CRB1: variants seen among roughly 807,000 people sequenced by gnomAD.
CRB1 encodes the protein protein crumbs homolog 1.
A neutral mutation model predicts 120.0 loss-of-function variants in CRB1; 83 were observed. The observed-to-expected ratio is 0.69, with a 90% CI of 0.58 to 0.83. The LOEUF (loss-of-function observed/expected upper bound fraction) is 0.83. CRB1 is among the 40% of genes least tolerant of loss of function. The pLI is 0.00. For synonymous variants in CRB1, 625 were observed against 612.5 expected (o/e 1.02, Z -0.30); for missense variants, 1,699 against 1,687.6 (o/e 1.01, Z -0.12).
Position 197,328,930 on chromosome 1 carries a change from T to C in CRB1, c.579T>C (p.Asp193=), listed in dbSNP as rs1382054822. 9.3e-6 allele frequency: 15 copies of C among 1,614,208 alleles called. No individual in the cohort carries two copies. The highest frequency in any genetic ancestry group is 1.3e-5 in the Non-Finnish European group (15 of 1,180,036). Residue 193 remains aspartate, a synonymous_variant, in exon 2 of 12, where the codon GAT becomes GAC. Transcript: ENST00000367400. The part of the protein sequence containing the change: ...CDLEVDECAS[D]PCKNEATCLN... ...TGGAAGTGGATGAATGTGCTTCAGA[T>C]CCCTGCAAGAACGAGGCTACATGCC...
intron 1 of CRB1, among the ~76,000 whole-genome samples, chr1:197,311,392 C>T (rs1052113059): frequency 6.6e-6 from 1 of 152,134 alleles, no homozygotes; most frequent in African/African-American, 2.4e-5. Flanking sequence ...AGGGTGAGGA[C>T]ATTTGAGAGA....
At chr1:197,387,312 AAGCTAATGT>A (rs1026389944) in intron 5 of CRB1, among the ~76,000 whole-genome samples, 9 of 152,232 alleles carry the variant, frequency 5.9e-5, no homozygotes, top group Non-Finnish European at 8.8e-5. Context: ...TATGTTAATA[AAGCTAATGT>A]AGCTAATGTA....
At chr1:197,363,524 C>CT (rs1002587058) in intron 5 of CRB1, among the ~76,000 whole-genome samples, 148 of 152,122 alleles carry the variant, frequency 9.7e-4, no homozygotes, top group African/African-American at 3.3e-3. Flanking sequence ...TTCTACACAA[C>CT]TTTTTTTTCT....
chr1:197,320,055 C>A (rs1658101941), intron 1 of CRB1, among the ~76,000 whole-genome samples: 1 of 152,182 alleles, frequency 6.6e-6, no homozygotes, highest in Admixed American at 6.5e-5. Flanking sequence ...AAGACCTGGC[C>A]TTAGCCAATC....
intron 1 of CRB1, among the ~76,000 whole-genome samples, chr1:197,314,418 A>G (rs1216785548): frequency 6.6e-6 from 1 of 152,014 alleles, no homozygotes; most frequent in Non-Finnish European, 1.5e-5. Flanking sequence ...TTGTTTACTC[A>G]TATTCATTCT....
chr1:197,255,968 T>C, the CRB1 span, among the ~76,000 whole-genome samples: 883 of 92,884 alleles, frequency 9.5e-3, 15 homozygotes, highest in African/African-American at 0.058. Context: ...GAACATTTTA[T>C]ATATATATAT....
chr1:197,256,554 T>TTCCTTC, the CRB1 span, among the ~76,000 whole-genome samples: 5 of 152,110 alleles, frequency 3.3e-5, no homozygotes, highest in Admixed American at 1.3e-4. Flanking sequence ...TAAATCTGTA[T>TTCCTTC]TCCTTCTTTT....
chr1:197,250,863 T>C, the CRB1 span, among the ~76,000 whole-genome samples: 2 of 152,050 alleles, frequency 1.3e-5, no homozygotes, highest in African/African-American at 4.8e-5. Context: ...ATGGTTTTTC[T>C]TTCCCTTGTG....
intron 5 of CRB1, among the ~76,000 whole-genome samples, chr1:197,407,392 T>G (rs1663467565): frequency 6.6e-6 from 1 of 152,212 alleles, no homozygotes; most frequent in African/African-American, 2.4e-5. Flanking sequence ...ACTAAAGTTA[T>G]TTCTTCTAAA....
rs1370917973 is a variant in CRB1, at chr1:197,438,554, A to C, written c.3757A>C (p.Arg1253=). 3.7e-6 allele frequency: 6 copies of C among 1,612,244 alleles called. No homozygotes were observed. The Admixed American group carries it at 1.0e-4, about 27-fold the overall frequency. The change falls in exon 10 of 12, where the codon AGA becomes CGA. Residue 1253 remains arginine, a synonymous_variant. Transcript: ENST00000367400. Reference sequence around the variant, plus strand: ...TTGCTTTTATCTCTCTAGACAGAGCAGATTACCCTCAACAGTCTGTGGGAA... The same window carrying C: ...TTGCTTTTATCTCTCTAGACAGAGCCGATTACCCTCAACAGTCTGTGGGAA... The part of the protein sequence containing the change: ...NFTGKFCRQS[R]LPSTVCGNEK...
intron 6 of CRB1, among the ~76,000 whole-genome samples, chr1:197,424,930 T>C (rs1664508975): frequency 6.6e-6 from 1 of 152,184 alleles, no homozygotes; most frequent in Admixed American, 6.5e-5. Flanking sequence ...CAGGTGTTTC[T>C]AAAGTCATGT....
At chr1:197,352,919 T>A (rs759624723) in intron 4 of CRB1, among the ~76,000 whole-genome samples, 19 of 152,146 alleles carry the variant, frequency 1.2e-4, no homozygotes, top group Non-Finnish European at 2.5e-4. Flanking sequence ...CTGGTTTATG[T>A]GCTAAACTAG....
chr1:197,374,883 G>GT (rs979214609), intron 5 of CRB1, among the ~76,000 whole-genome samples: 1 of 152,092 alleles, frequency 6.6e-6, no homozygotes, highest in African/African-American at 2.4e-5. Context: ...TCATAATAAT[G>GT]TTTTTTCCTC....
intron 8 of CRB1, among the ~76,000 whole-genome samples, chr1:197,429,962 G>A (rs180900187): frequency 6.6e-6 from 1 of 152,296 alleles, no homozygotes; most frequent in Admixed American, 6.5e-5. Context: ...TATTAACTAT[G>A]AGGCCTCAGG....
At chr1:197,370,632 A>G (rs1382922528) in intron 5 of CRB1, among the ~76,000 whole-genome samples, 2 of 152,212 alleles carry the variant, frequency 1.3e-5, no homozygotes, top group African/African-American at 2.4e-5. Context: ...TAATGGTGAC[A>G]TAACCTATCA....
At chr1:197,371,493 T>C (rs1209008775) in intron 5 of CRB1, among the ~76,000 whole-genome samples, 1 of 152,172 alleles carries the variant, frequency 6.6e-6, no homozygotes, top group Admixed American at 6.5e-5. Context: ...AAGTTGATCA[T>C]CAAGTCTAAT....
intron 11 of CRB1, chr1:197,444,602 A>C (rs1421492278): frequency 6.6e-6 from 1 of 152,354 alleles, no homozygotes; most frequent in East Asian, 1.9e-4. Context: ...TGGTTAAGAA[A>C]TATTCACTCA....
At chr1:197,324,939 A>G (rs1307530383) in intron 1 of CRB1, among the ~76,000 whole-genome samples, 5 of 152,224 alleles carry the variant, frequency 3.3e-5, no homozygotes, top group Non-Finnish European at 7.3e-5. Context: ...AATGGTCTTA[A>G]AGGAGCCCAT....
intron 5 of CRB1, among the ~76,000 whole-genome samples, chr1:197,398,456 G>T (rs1259360720): frequency 2.6e-5 from 4 of 152,150 alleles, no homozygotes; most frequent in Admixed American, 2.0e-4. Context: ...CGGGTAGGTT[G>T]GGAGATGATA....
Sources: gnomAD v4.1 joint callset for allele counts (sites outside exome capture counted in the v4.1 genomes callset) on GRCh38, gnomAD v4.1.1 for gene constraint, MANE v1.5 for transcripts, NCBI Gene and HGNC (gene_info 2026-07-23, HGNC 2026-07-21) for gene names.